The following RHOXF2 variants were observed in gnomAD, a reference collection of about 807,000 sequenced individuals.
RHOXF2 encodes the protein Rhox homeobox family member 2.
A neutral mutation model predicts 9.3 loss-of-function variants in RHOXF2; 2 were observed. That is an observed-to-expected ratio of 0.22 (90% CI 0.09 to 0.68). The LOEUF (loss-of-function observed/expected upper bound fraction) is 0.68. Ranked by LOEUF, RHOXF2 falls within the 30% of genes least tolerant of loss-of-function variation. The pLI is 0.82. For synonymous variants in RHOXF2, 15 were observed against 63.3 expected, an observed-to-expected ratio of 0.24 and a Z score of 3.62; for missense variants, 27 against 140.0, an observed-to-expected ratio of 0.19 and a Z score of 4.07.
rs2057399019 is a variant in RHOXF2 at position 120,158,935 on chromosome X, A to AGT, written c.80-77_80-76dup. On this transcript the variant is annotated intron_variant, in intron 1 of 3. Transcript: ENST00000371388. ...ACCCCTGCACTACCACTGCTCTCAG[A>AGT]GTGTAGCCCCTCACCACCTCCTTCC... The AGT allele has an allele frequency of 2.2e-5, 11 of 511,074 alleles. No individual in the cohort carries two copies. In the East Asian group the frequency reaches 3.4e-4, roughly 16 times the overall value. 42.1% of individuals were successfully genotyped at this position (511,074 alleles called of 1,213,427 possible).
intron 3 of RHOXF2, among the ~76,000 whole-genome samples, chrX:120,162,441 ATT>A (rs2057415783): frequency 1.6e-5 from 1 of 61,247 alleles, no homozygotes; most frequent in Admixed American, 2.2e-4. Flanking sequence ...AGAGTTGCCT[ATT>A]TGGACACTCC....
Position 120,159,229 on chromosome X carries a change from C to T in RHOXF2, c.294C>T (p.Ser98=), listed in dbSNP as rs782514367. The change falls in exon 2 of 4, where the codon AGC becomes AGT. Residue 98 remains serine, a synonymous_variant. Transcript: ENST00000371388. ...HLWEGDLEGT[S]GSDGNVEDSD... ...GGGAAGGAGACCTCGAGGGCACCAG[C>T]GGCAGCGATGGCAACGTTGAGGACA... 1.4e-5 allele frequency: 17 copies of T among 1,206,145 alleles called. No homozygotes were observed. The highest frequency in any genetic ancestry group is 3.6e-5 in the African/African-American group (2 of 56,180).
Sources: gnomAD v4.1 joint callset for allele counts (sites outside exome capture counted in the v4.1 genomes callset) on GRCh38, gnomAD v4.1.1 for gene constraint, MANE v1.5 for transcripts, NCBI Gene and HGNC (gene_info 2026-07-23, HGNC 2026-07-21) for gene names.